ZCCHC7: variants seen among roughly 807,000 people sequenced by gnomAD.
ZCCHC7 encodes zinc finger CCHC domain-containing protein 7.
In ZCCHC7, 35 loss-of-function variants were observed where a neutral mutation model predicts 52.0. The ratio of observed to expected loss-of-function variants is 0.67; its 90% CI spans 0.51 to 0.89. The LOEUF is 0.89. ZCCHC7 is among the 40% of genes least tolerant of loss of function. The pLI, the probability that ZCCHC7 is intolerant of heterozygous loss-of-function variation, is 0.00. For missense variants in ZCCHC7, 574 were observed against 649.1 expected, an observed-to-expected ratio of 0.88 and a Z score of 1.26; for synonymous variants, 217 against 221.5, an observed-to-expected ratio of 0.98 and a Z score of 0.18.
chr9:37,139,697 T>A (rs1843141757), intron 2 of ZCCHC7, among the ~76,000 whole-genome samples: 1 of 152,004 alleles, frequency 6.6e-6, no homozygotes, highest in Admixed American at 6.6e-5. Context: ...GAAAATCATT[T>A]GTACTTCCCC....
intron 2 of ZCCHC7, among the ~76,000 whole-genome samples, chr9:37,186,285 G>C (rs1664989973): frequency 1.3e-5 from 2 of 152,136 alleles, no homozygotes; most frequent in Non-Finnish European, 2.9e-5. Context: ...TTTGGGGCAA[G>C]AGAAACGTAA....
At chr9:37,159,311 A>C (rs1820970966) in intron 2 of ZCCHC7, among the ~76,000 whole-genome samples, 1 of 152,202 alleles carries the variant, frequency 6.6e-6, no homozygotes, top group Non-Finnish European at 1.5e-5. Context: ...AAATATTAAA[A>C]TATGTGGTTA....
At chr9:37,337,186 A>T (rs544355664) in intron 6 of ZCCHC7, among the ~76,000 whole-genome samples, 1 of 152,302 alleles carries the variant, frequency 6.6e-6, no homozygotes, top group African/African-American at 2.4e-5. Context: ...AATGTGGCAA[A>T]TAGATTAAAA....
intron 5 of ZCCHC7, chr9:37,325,909 G>A (rs1367989089): frequency 1.3e-5 from 2 of 152,184 alleles, no homozygotes; most frequent in Non-Finnish European, 1.5e-5. Context: ...AGAGCAATCA[G>A]ATGATTGTTC....
intron 2 of ZCCHC7, among the ~76,000 whole-genome samples, chr9:37,262,315 C>T (rs1478272853): frequency 6.6e-6 from 1 of 151,612 alleles, no homozygotes; most frequent in Non-Finnish European, 1.5e-5. Context: ...TAAACATAGT[C>T]ATAATGACTA....
At chr9:37,298,898 C>T (rs1828910017) in intron 2 of ZCCHC7, among the ~76,000 whole-genome samples, 1 of 152,166 alleles carries the variant, frequency 6.6e-6, no homozygotes, top group South Asian at 2.1e-4. Context: ...CTTACTCTTT[C>T]TTTCTCCTTT....
chr9:37,281,384 TTCTC>T (rs1827951854), intron 2 of ZCCHC7, among the ~76,000 whole-genome samples: 4 of 152,190 alleles, frequency 2.6e-5, no homozygotes, highest in Admixed American at 2.6e-4. Flanking sequence ...AGAGGTGAAA[TTCTC>T]TCAGTTTTGT....
intron 2 of ZCCHC7, among the ~76,000 whole-genome samples, chr9:37,291,742 GGAGTGCAAT>G (rs1828547609): frequency 6.6e-6 from 1 of 152,102 alleles, no homozygotes; most frequent in African/African-American, 2.4e-5. Context: ...TGCCCAGGCT[GGAGTGCAAT>G]GGTGCAATCT....
chr9:37,293,560 C>T (rs1224171774), intron 2 of ZCCHC7, among the ~76,000 whole-genome samples: 1 of 151,646 alleles, frequency 6.6e-6, no homozygotes, highest in Non-Finnish European at 1.5e-5. Flanking sequence ...TTTCTTTTTG[C>T]CTTTTGTGGA....
intron 3 of ZCCHC7, among the ~76,000 whole-genome samples, chr9:37,302,630 A>G (rs544231134): frequency 6.6e-6 from 1 of 152,336 alleles, no homozygotes; most frequent in South Asian, 2.1e-4. Flanking sequence ...GAATAATTTT[A>G]TAACTTGGTT....
chr9:37,309,670 C>G (rs1288292881), intron 5 of ZCCHC7, among the ~76,000 whole-genome samples: 1 of 152,098 alleles, frequency 6.6e-6, no homozygotes, highest in African/African-American at 2.4e-5. Context: ...TGCCTGTTAC[C>G]CAGCACTTTG....
chr9:37,265,966 T>A (rs1234697867), intron 2 of ZCCHC7, among the ~76,000 whole-genome samples: 1 of 152,118 alleles, frequency 6.6e-6, no homozygotes, highest in African/African-American at 2.4e-5. Context: ...CATCTTCTCT[T>A]CCTTCATCCC....
Position 37,321,012 on chromosome 9 carries a change from G to A in ZCCHC7, c.952-6787G>A, listed in dbSNP as rs1413752835. Among the ~76,000 whole-genome samples, 21 of 131,808 alleles carry A rather than the reference G, an allele frequency of 1.6e-4. 2 individuals carry two copies. The Middle Eastern group carries it at 0.018, about 114-fold the overall frequency. 86.5% of individuals were successfully genotyped at this position (131,808 alleles called of 152,430 possible). ...CTTTTTTTTTTTTTTTTTTTGAGAT[G>A]GAATCTCACTCTGTTGCCCAGGCTG... On this transcript the variant is annotated intron_variant, in intron 5 of 8. Coordinates refer to ENST00000336755, the MANE Select transcript of ZCCHC7 (RefSeq NM_032226.3).
At chr9:37,273,529 C>CCTG (rs1202142051) in intron 2 of ZCCHC7, among the ~76,000 whole-genome samples, 7 of 152,068 alleles carry the variant, frequency 4.6e-5, no homozygotes, top group Admixed American at 4.6e-4. Flanking sequence ...GAAAGGGTGT[C>CCTG]CTGACACCTA....
chr9:37,309,491 A>G (rs927716145), intron 5 of ZCCHC7, among the ~76,000 whole-genome samples: 2 of 152,158 alleles, frequency 1.3e-5, no homozygotes, highest in Non-Finnish European at 1.5e-5. Context: ...TTTTATGTAA[A>G]TACCTTTGGC....
chr9:37,150,764 G>A (rs973994838), intron 2 of ZCCHC7, among the ~76,000 whole-genome samples: 1 of 152,010 alleles, frequency 6.6e-6, no homozygotes, highest in African/African-American at 2.4e-5. Context: ...AATAATTAAT[G>A]TCTATGAAGT....
At chr9:37,297,684 G>A (rs1311908934) in intron 2 of ZCCHC7, among the ~76,000 whole-genome samples, 6 of 152,210 alleles carry the variant, frequency 3.9e-5, no homozygotes, top group African/African-American at 1.4e-4. Context: ...GGCACCTGCG[G>A]TGTAGATAAC....
intron 5 of ZCCHC7, among the ~76,000 whole-genome samples, chr9:37,320,355 G>A (rs1160528914): frequency 6.6e-6 from 1 of 152,190 alleles, no homozygotes; most frequent in East Asian, 1.9e-4. Context: ...TGGAATTAGA[G>A]GCATGAGCCA....
chr9:37,149,653 G>A (rs1328485771), intron 2 of ZCCHC7, among the ~76,000 whole-genome samples: 1 of 152,088 alleles, frequency 6.6e-6, no homozygotes, highest in Non-Finnish European at 1.5e-5. Context: ...TAGTTCATCT[G>A]TAGATTCTTA....
Sources: gnomAD v4.1 joint callset for allele counts (sites outside exome capture counted in the v4.1 genomes callset) on GRCh38, gnomAD v4.1.1 for gene constraint, MANE v1.5 for transcripts, NCBI Gene and HGNC (gene_info 2026-07-23, HGNC 2026-07-21) for gene names.